Variants in SOX7 observed in about 807,000 individuals in gnomAD.
SOX7 encodes the protein SRY-box transcription factor 7.
SOX7 carries 19 observed loss-of-function variants against 24.9 expected under a neutral mutation model. That is an observed-to-expected ratio of 0.76 (90% CI 0.53 to 1.12). The LOEUF is 1.12. Among genes scored for constraint, SOX7 ranks in the 50% most tolerant of loss-of-function variants. The pLI is 0.00. For missense variants in SOX7, 702 were observed against 535.0 expected (o/e 1.31, Z -3.08); for synonymous variants, 327 against 244.5 (o/e 1.34, Z -3.15).
Position 10,726,582 on chromosome 8 carries a change from T to A in SOX7, c.323A>T (p.Asp108Val). The change falls in exon 2 of 2, where the codon GAC becomes GTC. Residue 108 changes from aspartate to valine, a missense_variant. By Grantham distance (152) the Asp-to-Val change is radical. Transcript: ENST00000304501. ...AERLRLQHMQ[D>V]YPNYKYRPRR... The stretch of plus-strand genomic sequence containing the variant: ...CGGCCGGTACTTGTAGTTGGGGTAG[T>A]CCTGCATGTGCTGCAGGCGCAGCCG... The A allele has an allele frequency of 6.2e-7, 1 of 1,610,970 alleles. No individual in the cohort carries two copies. The highest frequency in any genetic ancestry group is 8.5e-7 in the Non-Finnish European group (1 of 1,179,900).
rs1212892375 is a variant in SOX7, at chr8:10,724,767, G to C, written c.*971C>G. On this transcript the variant is annotated 3_prime_UTR_variant, in exon 2 of 2. Coordinates refer to ENST00000304501, the MANE Select transcript of SOX7 (RefSeq NM_031439.4). ...AATGGAGTTTCACTCTTGTTGCACA[G>C]GCTGGAGTGCAATGGTGCAATCTCA... The C allele has an allele frequency of 1.3e-5, 2 of 149,370 alleles. No individual in the cohort carries two copies. Among genetic ancestry groups the C allele is most frequent in the African/African-American group, 5.0e-5 (2 of 40,184 alleles). The allele number at this position is 149,370 out of a possible 1,614,324, so 9.3% of individuals were successfully genotyped here.
At chr8:10,729,414 G>A (rs770123634) in intron 1 of SOX7, 2 of 152,122 alleles carry the variant, frequency 1.3e-5, no homozygotes, top group African/African-American at 2.4e-5. Context: ...TACTCAGCTC[G>A]ACACCGGAGA....
In SOX7 at chr8:10,730,353, T is replaced by G; in HGVS notation, c.81A>C (p.Gln27His). Residue 27 changes from glutamine to histidine, a missense_variant, in exon 1 of 2, where the codon CAA becomes CAC. Gln to His is a conservative substitution (Grantham distance 24). Coordinates refer to ENST00000304501, the MANE Select transcript of SOX7 (RefSeq NM_031439.4). The surrounding 1 kb of genome is among the most constrained non-coding windows in gnomAD (Gnocchi z 4.8). ...PALDAELSDGQSPPAVPRPPG... is the reference protein window; with the variant it reads ...PALDAELSDGHSPPAVPRPPG... ...GGGGCCGGGGGACGGCCGGCGGCGA[T>G]TGTCCATCCGACAGCTCGGCGTCCA... 6.4e-7 allele frequency: 1 copy of G among 1,566,200 alleles called. No individual in the cohort carries two copies. Among genetic ancestry groups the G allele is most frequent in the Non-Finnish European group, 8.6e-7 (1 of 1,160,302 alleles).
At position 10,730,374 on chromosome 8, in the gene SOX7, G is replaced by A. The variant is rs773006628; in HGVS notation, c.60C>T (p.Asp20=). Residue 20 remains aspartate (D), a synonymous_variant, in exon 1 of 2, where the codon GAC becomes GAT. Transcript: ENST00000304501. The surrounding 1 kb of genome is among the most constrained non-coding windows in gnomAD (Gnocchi z 4.8). ...WPEGLECPAL[D]AELSDGQSPP... ...GCGATTGTCCATCCGACAGCTCGGC[G>A]TCCAGGGCCGGGCACTCGAGACCCT... The A allele has an allele frequency of 3.2e-6, 5 of 1,549,240 alleles. No individual in the cohort carries two copies. Among genetic ancestry groups the A allele is most frequent in the Non-Finnish European group, 4.3e-6 (5 of 1,152,602 alleles).
Position 10,730,463 on chromosome 8 carries a change from G to GCCCC in SOX7, c.-31_-30insGGGG. ...GCACGCGGGTCGCCTCGCTTCGCCT[G>GCCCC]GCGGGGCAGGCGCGGACCTGGCCCT... On this transcript the variant is annotated 5_prime_UTR_variant, in exon 1 of 2. Coordinates refer to ENST00000304501, the MANE Select transcript of SOX7 (RefSeq NM_031439.4). The surrounding 1 kb of genome is among the most constrained non-coding windows in gnomAD (Gnocchi z 4.8). The GCCCC allele has an allele frequency of 7.1e-7, 1 of 1,404,596 alleles. No homozygotes were observed. Among genetic ancestry groups the GCCCC allele is most frequent in the Non-Finnish European group, 9.3e-7 (1 of 1,080,634 alleles). 87.0% of individuals were successfully genotyped at this position (1,404,596 alleles called of 1,614,324 possible). A position where few individuals can be genotyped will look rare whatever the true frequency, so the allele number is the denominator to read the frequency against.
At chr8:10,728,838 T>G (rs1800205876) in intron 1 of SOX7, among the ~76,000 whole-genome samples, 1 of 152,208 alleles carries the variant, frequency 6.6e-6, no homozygotes. Flanking sequence ...AAAAAAAGTT[T>G]GGGGATCCAC....
Position 10,730,460 on chromosome 8 carries a change from C to A in SOX7, c.-27G>T. 7.0e-7 allele frequency: 1 copy of A among 1,420,974 alleles called. No individual in the cohort carries two copies. Among genetic ancestry groups the A allele is most frequent in the Non-Finnish European group, 9.2e-7 (1 of 1,091,180 alleles). The allele number at this position is 1,420,974 out of a possible 1,614,324, so 88.0% of individuals were successfully genotyped here. On this transcript the variant is annotated 5_prime_UTR_variant, in exon 1 of 2. Transcript: ENST00000304501. The surrounding 1 kb of genome is among the most constrained non-coding windows in gnomAD (Gnocchi z 4.8). ...GCCGCACGCGGGTCGCCTCGCTTCG[C>A]CTGGCGGGGCAGGCGCGGACCTGGC...
chr8:10,729,862 T>G (rs1193491525), intron 1 of SOX7, among the ~76,000 whole-genome samples: 1 of 152,090 alleles, frequency 6.6e-6, no homozygotes, highest in Admixed American at 6.5e-5. Flanking sequence ...GCCCTGTCCA[T>G]GCACGCCGGT....
chr8:10,730,163 GC>G lies in SOX7; in HGVS notation c.238+32del, dbSNP rs1233305431. ...GCCAGCCGCCCGCCGCCCGCCCCCG[GC>G]CCCCAGCCCGCTCGGCCGCGCGCTC... On this transcript the variant is annotated intron_variant, in intron 1 of 1. Coordinates refer to ENST00000304501, the MANE Select transcript of SOX7 (RefSeq NM_031439.4). This position sits in a 1 kb window ranked among gnomAD's most constrained non-coding sequence, Gnocchi z 4.8. The G allele has an allele frequency of 2.1e-6, 3 of 1,415,068 alleles. No individual in the cohort carries two copies. The highest frequency in any genetic ancestry group is 1.6e-5 in the South Asian group (1 of 63,316). The allele number at this position is 1,415,068 out of a possible 1,614,324, so 87.7% of individuals were successfully genotyped here. A position where few individuals can be genotyped will look rare whatever the true frequency, so the allele number is the denominator to read the frequency against.
At position 10,726,252 on chromosome 8, in the gene SOX7, G is replaced by T; in HGVS notation, c.653C>A (p.Thr218Asn). 6.2e-7 allele frequency: 1 copy of T among 1,613,852 alleles called. No individual in the cohort carries two copies. Among genetic ancestry groups the T allele is most frequent in the Non-Finnish European group, 8.5e-7 (1 of 1,179,956 alleles). The change falls in exon 2 of 2, where the codon ACC (threonine) becomes AAC (asparagine). Residue 218 changes from threonine to asparagine, a missense_variant. Physicochemically the swap from Thr to Asn is moderately conservative, Grantham distance 65. Transcript: ENST00000304501. The part of the protein sequence containing the change: ...SPLDVLEPEQ[T>N]FFSSPCQEEH... ...CTCCTGGCAGGGGGAGGAGAAGAAG[G>T]TCTGCTCCGGCTCCAGCACGTCCAG...
chr8:10,725,564 A>T lies in SOX7; in HGVS notation c.*174T>A, dbSNP rs1355894687. 3.2e-6 allele frequency: 2 copies of T among 634,374 alleles called. No homozygotes were observed. The highest frequency in any genetic ancestry group is 5.5e-6 in the Non-Finnish European group (2 of 366,112). 39.3% of individuals were successfully genotyped at this position (634,374 alleles called of 1,614,324 possible). A position where few individuals can be genotyped will look rare whatever the true frequency, so the allele number is the denominator to read the frequency against. ...GGCTGGAACGTGGGGAAGGGGATAG[A>T]GGCGGCACTCGGATAAGGAGAGTCC... On this transcript the variant is annotated 3_prime_UTR_variant, in exon 2 of 2. Transcript: ENST00000304501.
In SOX7 at chr8:10,724,044, A is replaced by G. The variant is rs919473669; in HGVS notation, c.*1694T>C. On this transcript the variant is annotated 3_prime_UTR_variant, in exon 2 of 2. Transcript: ENST00000304501. ...TTACAATAGGACATCTTAGAAGGAC[A>G]AAAAGGATTTATCAACAATACAAAA... 6.6e-6 allele frequency: 1 copy of G among 152,312 alleles called. No homozygotes were observed. Among genetic ancestry groups the G allele is most frequent in the Non-Finnish European group, 1.5e-5 (1 of 68,048 alleles). The allele number at this position is 152,312 out of a possible 1,614,324, so 9.4% of individuals were successfully genotyped here.
intron 1 of SOX7, among the ~76,000 whole-genome samples, chr8:10,728,953 C>T (rs947309381): frequency 2.0e-5 from 3 of 152,172 alleles, no homozygotes; most frequent in African/African-American, 7.2e-5. Flanking sequence ...GTCTTTATGC[C>T]AACACTGTGT....
rs1800140071 is a variant in SOX7 at position 10,725,974 on chromosome 8, C to T, written c.931G>A (p.Gly311Ser). 6.2e-7 allele frequency: 1 copy of T among 1,606,778 alleles called. No homozygotes were observed. Among genetic ancestry groups the T allele is most frequent in the African/African-American group, 1.3e-5 (1 of 74,798 alleles). ...GQLSPPPEHP[G>S]FDALDQLSQV... ...CTCAGTTGATCCAGGGCGTCGAAGC[C>T]AGGGTGCTCAGGAGGCGGGGAAAGC... The change falls in exon 2 of 2, where the codon GGC becomes AGC. Residue 311 changes from glycine to serine, a missense_variant. By Grantham distance (56) the Gly-to-Ser change is moderately conservative (BLOSUM62 0). Transcript: ENST00000304501.
Position 10,725,748 on chromosome 8 carries a change from C to G in SOX7, c.1157G>C (p.Ser386Thr). Residue 386 changes from serine to threonine, a missense_variant, in exon 2 of 2, where the codon AGT becomes ACT. By Grantham distance (58) the Ser-to-Thr change is moderately conservative. Transcript: ENST00000304501. ...GGGGCGCCTCCAGCTCTATGACACA[C>G]TGTAGCTGTTGTAGTACGTGGCCGT... ...DATATYYNSY[S>T]VS is the part of the protein sequence containing the mutation. 6.2e-7 allele frequency: 1 copy of G among 1,614,144 alleles called. No homozygotes were observed. The highest frequency in any genetic ancestry group is 8.5e-7 in the Non-Finnish European group (1 of 1,180,022).
At chr8:10,728,738 G>A (rs910422295) in intron 1 of SOX7, among the ~76,000 whole-genome samples, 1 of 152,158 alleles carries the variant, frequency 6.6e-6, no homozygotes, top group African/African-American at 2.4e-5. Context: ...GCCCAGGCCT[G>A]CACAGAATTC....
chr8:10,727,412 G>C (rs1408976110), intron 1 of SOX7, among the ~76,000 whole-genome samples: 1 of 152,144 alleles, frequency 6.6e-6, no homozygotes, highest in Non-Finnish European at 1.5e-5. Flanking sequence ...ACGGTGCCAG[G>C]GCACCTGCTT....
Position 10,730,470 on chromosome 8 carries a change from C to T in SOX7, c.-37G>A, listed in dbSNP as rs971503144. 2.2e-6 allele frequency: 3 copies of T among 1,388,398 alleles called. No homozygotes were observed. The highest frequency in any genetic ancestry group is 1.9e-6 in the Non-Finnish European group (2 of 1,069,070). 86.0% of individuals were successfully genotyped at this position (1,388,398 alleles called of 1,614,324 possible). On this transcript the variant is annotated 5_prime_UTR_variant, in exon 1 of 2. Transcript: ENST00000304501. This position sits in a 1 kb window ranked among gnomAD's most constrained non-coding sequence, Gnocchi z 4.8. ...GGTCGCCTCGCTTCGCCTGGCGGGGCAGGCGCGGACCTGGCCCTCGCACGG... is the reference window on the plus strand; with the variant it reads ...GGTCGCCTCGCTTCGCCTGGCGGGGTAGGCGCGGACCTGGCCCTCGCACGG...
In SOX7 at chr8:10,730,336, G is replaced by C. The variant is rs756484143; in HGVS notation, c.98C>G (p.Pro33Arg). ...LSDGQSPPAV[P>R]RPPGDKGSES... ...GGAGCCCTTGTCCCCCGGGGGCCGG[G>C]GGACGGCCGGCGGCGATTGTCCATC... Residue 33 changes from proline (P) to arginine (R), a missense_variant, in exon 1 of 2, where the codon CCC (proline) becomes CGC (arginine). Pro to Arg is a moderately radical substitution (Grantham distance 103). Coordinates refer to ENST00000304501, the MANE Select transcript of SOX7 (RefSeq NM_031439.4). This position sits in a 1 kb window ranked among gnomAD's most constrained non-coding sequence, Gnocchi z 4.8. 1 of 1,568,338 alleles carries C rather than the reference G, an allele frequency of 6.4e-7. No homozygotes were observed. Among genetic ancestry groups the C allele is most frequent in the South Asian group, 1.2e-5 (1 of 86,814 alleles).
Sources: allele counts gnomAD v4.1 joint callset (sites outside exome capture counted in the v4.1 genomes callset), GRCh38; gene constraint gnomAD v4.1.1; non-coding constraint Gnocchi (gnomAD v3.1); transcripts MANE v1.5; gene names NCBI Gene and HGNC (gene_info 2026-07-23, HGNC 2026-07-21).